NOP53: variants seen among roughly 807,000 people sequenced by gnomAD.
NOP53 encodes NOP53 ribosome biogenesis factor.
Under a neutral mutation model 61.0 loss-of-function variants are expected in NOP53, and 40 were observed. The ratio of observed to expected loss-of-function variants is 0.66; its 90% CI spans 0.51 to 0.85. NOP53 has a LOEUF of 0.85. Among genes scored for constraint, NOP53 ranks in the 40% least tolerant of loss-of-function variants. The pLI, the probability that NOP53 is intolerant of heterozygous loss-of-function variation, is 0.00. For missense variants in NOP53, 689 were observed against 652.9 expected (o/e 1.06, Z -0.60); for synonymous variants, 308 against 289.5 (o/e 1.06, Z -0.65).
chr19:47,756,128 G>A (rs147728367), intron 10 of NOP53: 98 of 515,602 alleles, frequency 1.9e-4, no homozygotes, highest in Non-Finnish European at 3.0e-4. Context: ...TCCCCTGCTC[G>A]GAACCTGCTG....
At chr19:47,746,731 G>A (rs1447142692) in intron 1 of NOP53, 1 of 402,550 alleles carries the variant, frequency 2.5e-6, no homozygotes, top group African/African-American at 2.1e-5. Flanking sequence ...TTGAACTCCT[G>A]ACCTCAGGTG....
chr19:47,756,414 A>T, intron 10 of NOP53, 114 bp from the exon 11 acceptor site: 1 of 759,028 alleles, frequency 1.3e-6, no homozygotes, highest in Non-Finnish European at 2.1e-6. Context: ...TGGTGCCCAC[A>T]GGCTGCCCTG....
At position 47,750,924 on chromosome 19, in the gene NOP53, G is replaced by C; in HGVS notation, c.415G>C (p.Val139Leu). Residue 139 changes from valine to leucine, a missense_variant, in exon 4 of 13, where the codon GTC (valine) becomes CTC (leucine). Coordinates refer to ENST00000246802, the MANE Select transcript of NOP53 (RefSeq NM_015710.5). Reference sequence around the variant, plus strand: ...CCCGACCAGCGTCCTCGCCCACCAGGTCCCCAACGCCAAGAAGCTCAGGCG... The same window carrying C: ...CCCGACCAGCGTCCTCGCCCACCAGCTCCCCAACGCCAAGAAGCTCAGGCG... ...PAPKDVLAHQVPNAKKLRRKE... is the reference protein window; with the variant it reads ...PAPKDVLAHQLPNAKKLRRKE... 2 of 1,592,956 alleles carry C rather than the reference G, an allele frequency of 1.3e-6. No homozygotes were observed. The highest frequency in any genetic ancestry group is 1.7e-6 in the Non-Finnish European group (2 of 1,171,352).
chr19:47,752,508 ACAGCGGC>A lies in NOP53; in HGVS notation c.671_677del (p.Arg224HisfsTer155). ...CTTACCCTGCCTCGGCCTTTTCTCCACAGCGGCCAGCACGCCTGCACACCAAGCCGTC... is the reference window on the plus strand; with the variant it reads ...CTTACCCTGCCTCGGCCTTTTCTCCACAGCACGCCTGCACACCAAGCCGTC... On this transcript the variant is annotated splice_acceptor_variant and splice_polypyrimidine_tract_variant and coding_sequence_variant and intron_variant, in exon 6 of 13. Coordinates refer to ENST00000246802, the MANE Select transcript of NOP53 (RefSeq NM_015710.5). LOFTEE classifies it high-confidence loss of function. The A allele has an allele frequency of 6.3e-7, 1 of 1,591,096 alleles. No individual in the cohort carries two copies. The highest frequency in any genetic ancestry group is 8.6e-7 in the Non-Finnish European group (1 of 1,166,204).
Position 47,745,713 on chromosome 19 carries a change from G to C in NOP53, c.154G>C (p.Ala52Pro). Residue 52 changes from alanine (A) to proline (P), a missense_variant, in exon 1 of 13, where the codon GCT (alanine) becomes CCT (proline). Coordinates refer to ENST00000246802, the MANE Select transcript of NOP53 (RefSeq NM_015710.5). ...TAAGAAGCGGGGCTGGCGGCGGCTT[G>C]CTCAGGAGCCGCTGGGGCTGGAGGT... ...RNKKRGWRRLAQEPLGLEVDQ... is the reference protein window; with the variant it reads ...RNKKRGWRRLPQEPLGLEVDQ... The C allele has an allele frequency of 6.2e-7, 1 of 1,611,112 alleles. No homozygotes were observed.
At position 47,754,271 on chromosome 19, in the gene NOP53, C is replaced by G. The variant is rs958597371; in HGVS notation, c.766-256C>G. On this transcript the variant is annotated intron_variant, in intron 6 of 12. Coordinates refer to ENST00000246802, the MANE Select transcript of NOP53 (RefSeq NM_015710.5). This position sits in a 1 kb window ranked among gnomAD's most constrained non-coding sequence, Gnocchi z 4.2. ...CAGTCTGGGCAACAAGACAGAAACT[C>G]TATCTCAAAAAAAAAATGTGAAGCG... The G allele has an allele frequency of 1.7e-5, 8 of 476,544 alleles. No individual in the cohort carries two copies. The highest frequency in any genetic ancestry group is 3.0e-5 in the Non-Finnish European group (8 of 265,278). 29.5% of individuals were successfully genotyped at this position (476,544 alleles called of 1,614,324 possible). A position where few individuals can be genotyped will look rare whatever the true frequency, so the allele number is the denominator to read the frequency against.
At chr19:47,745,941 G>T in intron 1 of NOP53, 158 bp downstream of exon 1, 1 of 592,216 alleles carries the variant, frequency 1.7e-6, no homozygotes. Flanking sequence ...CATGGGCAGG[G>T]GACTCAGCAT....
In NOP53 at chr19:47,754,841, G is replaced by A; in HGVS notation, c.1003G>A (p.Glu335Lys). The A allele has an allele frequency of 1.3e-6, 2 of 1,543,542 alleles. No homozygotes were observed. Among genetic ancestry groups the A allele is most frequent in the Non-Finnish European group, 8.7e-7 (1 of 1,152,842 alleles). ...CPTPARLATT[E>K]KKTEQQRRRE... is the part of the protein sequence containing the mutation. ...CACGCCCGCCCGCCTGGCCACCACA[G>A]AGAAGAAGACGGAGCAGCAGCGGCG... Residue 335 changes from glutamate to lysine, a missense_variant, in exon 8 of 13, where the codon GAG becomes AAG. By Grantham distance (56) the Glu-to-Lys change is moderately conservative. Transcript: ENST00000246802. This position sits in a 1 kb window ranked among gnomAD's most constrained non-coding sequence, Gnocchi z 4.2.
chr19:47,745,618 C>T lies in NOP53; in HGVS notation c.59C>T (p.Ser20Phe), dbSNP rs149422566. 6.4e-4 allele frequency: 1,034 copies of T among 1,614,050 alleles called. 7 individuals carry two copies. The African/African-American group carries it at 0.01, about 16-fold the overall frequency. Residue 20 changes from serine (S) to phenylalanine (F), a missense_variant, in exon 1 of 13, where the codon TCT becomes TTT. Transcript: ENST00000246802. ...GKRSSKSDAD[S>F]GFLGLRPTSV... ...CGCAGCTCGAAAAGCGATGCCGATT[C>T]TGGTTTCCTGGGGCTGCGGCCCACT...
At chr19:47,746,095 AATATGTGTGTGTGTGTATGTATAT>A in intron 1 of NOP53, 1 of 413,538 alleles carries the variant, frequency 2.4e-6, no homozygotes, top group Non-Finnish European at 4.3e-6. Context: ...CTGTTTTCTA[AATATGTGTGTGTGTGTATGTATAT>A]ATGTGTGTGT....
At position 47,755,471 on chromosome 19, in the gene NOP53, C is replaced by T; in HGVS notation, c.1177C>T (p.Gln393Ter). 6.7e-7 allele frequency: 1 copy of T among 1,492,044 alleles called. No homozygotes were observed. The highest frequency in any genetic ancestry group is 8.9e-7 in the Non-Finnish European group (1 of 1,125,470). The allele number at this position is 1,492,044 out of a possible 1,614,324, so 92.4% of individuals were successfully genotyped here. Residue 393 changes from glutamine to a stop codon, truncating the protein, a stop_gained, in exon 9 of 13, where the codon CAG becomes TAG. Coordinates refer to ENST00000246802, the MANE Select transcript of NOP53 (RefSeq NM_015710.5). LOFTEE classifies it high-confidence loss of function. The part of the protein sequence containing the change: ...AELARRQRRR[Q>*]ARREAEADKP... ...GCTGGCGCGGCGGCAGAGGCGGCGG[C>T]AGGCGCGGCGGGAGGCTGAGGCTGA...
At chr19:47,748,933 G>C in intron 2 of NOP53, among the ~76,000 whole-genome samples, 1 of 152,084 alleles carries the variant, frequency 6.6e-6, no homozygotes, top group Admixed American at 6.6e-5. Context: ...AGGCTGATGC[G>C]GGTGGATCAC....
At chr19:47,749,377 C>T (rs1341641196) in intron 2 of NOP53, among the ~76,000 whole-genome samples, 1 of 152,054 alleles carries the variant, frequency 6.6e-6, no homozygotes, top group African/African-American at 2.4e-5. Context: ...GGACAAAGAT[C>T]ATAGTGGTTG....
chr19:47,755,666 G>T, intron 9 of NOP53, 90 bp from the exon 10 acceptor site: 1 of 1,361,114 alleles, frequency 7.3e-7, no homozygotes. Flanking sequence ...CACATTCTCA[G>T]AGGCCCCTTC....
rs1483343451 is a variant in NOP53 at position 47,754,308 on chromosome 19, C to G, written c.766-219C>G. On this transcript the variant is annotated intron_variant, in intron 6 of 12. Coordinates refer to ENST00000246802, the MANE Select transcript of NOP53 (RefSeq NM_015710.5). This position sits in a 1 kb window ranked among gnomAD's most constrained non-coding sequence, Gnocchi z 4.2. ...AAAAATGTGAAGCGTGCAGGTCAGA[C>G]TGCCTTCACAGACGTGCAGAGCAGG... 1 of 559,590 alleles carries G rather than the reference C, an allele frequency of 1.8e-6. No individual in the cohort carries two copies. The highest frequency in any genetic ancestry group is 3.2e-6 in the Non-Finnish European group (1 of 310,540). 34.7% of individuals were successfully genotyped at this position (559,590 alleles called of 1,614,324 possible).
intron 10 of NOP53, 141 bp downstream of exon 10, chr19:47,755,963 C>T (rs8105677): frequency 0.043 from 27,956 of 649,016 alleles, 831 homozygotes; most frequent in East Asian, 0.13. Flanking sequence ...GCTGAGGGCA[C>T]GGGATGCTGG....
At chr19:47,751,153 G>A in intron 4 of NOP53, 46 bp downstream of exon 4, 1 of 1,511,168 alleles carries the variant, frequency 6.6e-7, no homozygotes, top group South Asian at 1.2e-5. Context: ...GGACGGCCAT[G>A]TGCAGTTTGT....
At chr19:47,752,451 GT>G in intron 5 of NOP53, 60 bp from the exon 6 acceptor site, 1 of 1,051,694 alleles carries the variant, frequency 9.5e-7, no homozygotes, top group Non-Finnish European at 1.5e-6. Context: ...CCATGGCTGT[GT>G]CCTGGGTCAC....
At position 47,756,530 on chromosome 19, in the gene NOP53, C is replaced by T. The variant is rs11538664; in HGVS notation, c.1299C>T (p.Pro433=). The T allele has an allele frequency of 0.02, 31,635 of 1,613,452 alleles. 432 individuals carry two copies. Among genetic ancestry groups the T allele is most frequent in the South Asian group, 0.039 (3,518 of 91,078 alleles). Residue 433 remains proline (P), a splice_region_variant and synonymous_variant, in exon 11 of 13, where the codon CCC becomes CCT. Coordinates refer to ENST00000246802, the MANE Select transcript of NOP53 (RefSeq NM_015710.5). ...AGGCCTCCCTCTCTGTCCTGTAGCC[C>T]GAGGGCAACATCCTTCGAGACCGGT... ...ELTDSLRTLK[P]EGNILRDRFK...
Sources: gnomAD v4.1 joint callset for allele counts (sites outside exome capture counted in the v4.1 genomes callset) on GRCh38, gnomAD v4.1.1 for gene constraint, Gnocchi (gnomAD v3.1) non-coding constraint, MANE v1.5 for transcripts, NCBI Gene and HGNC (gene_info 2026-07-23, HGNC 2026-07-21) for gene names.